Variants in ZNF804B observed in about 807,000 individuals in gnomAD.
The protein encoded by ZNF804B is zinc finger 804B.
In ZNF804B, 80 loss-of-function variants were observed where a neutral mutation model predicts 101.4. That is an observed-to-expected ratio of 0.79 (90% confidence interval 0.66 to 0.95). The LOEUF (loss-of-function observed/expected upper bound fraction) is 0.95. Ranked by LOEUF, ZNF804B falls within the 40% of genes least tolerant of loss-of-function variation. The probability of loss-of-function intolerance (pLI) is 0.00; values close to 1 mark genes in which losing one functional copy is unlikely to be tolerated. For missense variants in ZNF804B, 1,673 were observed against 1,561.9 expected (o/e 1.07, Z -1.20); for synonymous variants, 622 against 558.8 (o/e 1.11, Z -1.59).
intron 1 of ZNF804B, among the ~76,000 whole-genome samples, chr7:89,102,102 T>C (rs1790063978): frequency 6.6e-6 from 1 of 152,046 alleles, no homozygotes; most frequent in Non-Finnish European, 1.5e-5. Flanking sequence ...GTTGATTCCA[T>C]GACTTTGCTA....
Position 89,036,410 on chromosome 7 carries a change from A to G in ZNF804B, c.109-181745A>G, listed in dbSNP as rs540035102. 6.6e-5 allele frequency among the ~76,000 whole-genome samples: 10 copies of G among 152,054 alleles called. No individual in the cohort carries two copies. In the East Asian group the frequency reaches 1.9e-3, roughly 29 times the overall value. ...AGTTAATAATGTTATTAATATTAGT[A>G]TTATGGTAAATAAAATTATGGTAAT... On this transcript the variant is annotated intron_variant, in intron 1 of 3. Coordinates refer to ENST00000333190, the MANE Select transcript of ZNF804B (RefSeq NM_181646.5).
intron 1 of ZNF804B, among the ~76,000 whole-genome samples, chr7:89,212,706 T>G (rs534746444): frequency 6.6e-6 from 1 of 152,284 alleles, no homozygotes; most frequent in African/African-American, 2.4e-5. Flanking sequence ...TCTCTTAGGT[T>G]GTCTTAGGTG....
chr7:89,168,567 AG>A (rs1190772879), intron 1 of ZNF804B, among the ~76,000 whole-genome samples: 1 of 152,110 alleles, frequency 6.6e-6, no homozygotes, highest in Non-Finnish European at 1.5e-5. Context: ...ACTTGTGGTC[AG>A]TTGGTTAGTA....
At chr7:89,156,552 AT>A (rs1790979252) in intron 1 of ZNF804B, among the ~76,000 whole-genome samples, 1 of 152,178 alleles carries the variant, frequency 6.6e-6, no homozygotes, top group African/African-American at 2.4e-5. Flanking sequence ...AACTCTGAAA[AT>A]TGCTGGGAGT....
At chr7:89,085,209 T>G (rs1789779652) in intron 1 of ZNF804B, among the ~76,000 whole-genome samples, 1 of 151,980 alleles carries the variant, frequency 6.6e-6, no homozygotes, top group Admixed American at 6.6e-5. Flanking sequence ...TTGACATGTT[T>G]TCTATGTTTG....
At chr7:88,832,452 C>G (rs1033034044) in intron 1 of ZNF804B, among the ~76,000 whole-genome samples, 5 of 151,890 alleles carry the variant, frequency 3.3e-5, no homozygotes, top group African/African-American at 1.2e-4. Context: ...ATGGCTTGTT[C>G]TTAAGTTTTG....
chr7:89,039,867 C>T (rs943892289), intron 1 of ZNF804B, among the ~76,000 whole-genome samples: 4 of 152,012 alleles, frequency 2.6e-5, no homozygotes, highest in African/African-American at 9.7e-5. Context: ...GAGTTTCTTT[C>T]ATATGTGATA....
At chr7:88,841,383 A>T (rs188155577) in intron 1 of ZNF804B, among the ~76,000 whole-genome samples, 1 of 152,174 alleles carries the variant, frequency 6.6e-6, no homozygotes, top group African/African-American at 2.4e-5. Flanking sequence ...TCAATCTATT[A>T]AGTAAGCCCA....
chr7:89,135,197 A>G (rs1790612951), intron 1 of ZNF804B, among the ~76,000 whole-genome samples: 1 of 152,130 alleles, frequency 6.6e-6, no homozygotes, highest in Admixed American at 6.6e-5. Flanking sequence ...TTAATCACCA[A>G]GATACTTTTC....
At chr7:89,331,421 A>G (rs1466131242) in intron 3 of ZNF804B, among the ~76,000 whole-genome samples, 2 of 151,750 alleles carry the variant, frequency 1.3e-5, no homozygotes, top group African/African-American at 4.8e-5. Context: ...TATTCATTTT[A>G]TTAAATATGC....
At chr7:89,283,385 G>T (rs1790129193) in intron 2 of ZNF804B, among the ~76,000 whole-genome samples, 1 of 152,086 alleles carries the variant, frequency 6.6e-6, no homozygotes, top group Non-Finnish European at 1.5e-5. Flanking sequence ...ACGTATGCTT[G>T]CAGTAAAAAA....
At chr7:88,866,905 C>T (rs183682568) in intron 1 of ZNF804B, among the ~76,000 whole-genome samples, 75 of 152,290 alleles carry the variant, frequency 4.9e-4, no homozygotes, top group African/African-American at 1.7e-3. Flanking sequence ...GAATTGATTA[C>T]AGTCAAGCCT....
intron 1 of ZNF804B, among the ~76,000 whole-genome samples, chr7:88,971,635 A>G (rs1459742800): frequency 6.6e-6 from 1 of 151,662 alleles, no homozygotes; most frequent in Non-Finnish European, 1.5e-5. Context: ...AGCTAATGGG[A>G]CACATAATTG....
At chr7:88,950,478 A>G (rs537544958) in intron 1 of ZNF804B, among the ~76,000 whole-genome samples, 1 of 64,836 alleles carries the variant, frequency 1.5e-5, no homozygotes, top group East Asian at 6.6e-4. Flanking sequence ...TTTTGAATTC[A>G]TGAAAACAGA....
chr7:89,192,539 T>C (rs760948926), intron 1 of ZNF804B, among the ~76,000 whole-genome samples: 23 of 152,174 alleles, frequency 1.5e-4, no homozygotes, highest in Non-Finnish European at 2.6e-4. Context: ...AAATGCAAAG[T>C]AACCTATAGC....
At chr7:89,325,627 G>A (rs918613604) in intron 2 of ZNF804B, among the ~76,000 whole-genome samples, 1 of 151,744 alleles carries the variant, frequency 6.6e-6, no homozygotes, top group African/African-American at 2.4e-5. Context: ...AGAAACAGAG[G>A]TACCCCAAAT....
At chr7:88,821,789 C>A (rs765195395) in intron 1 of ZNF804B, among the ~76,000 whole-genome samples, 3 of 152,106 alleles carry the variant, frequency 2.0e-5, no homozygotes, top group African/African-American at 4.8e-5. Context: ...ATTCAGCTCA[C>A]GTAACATAGT....
At chr7:89,109,095 A>AT (rs140214628) in intron 1 of ZNF804B, among the ~76,000 whole-genome samples, 14,209 of 152,130 alleles carry the variant, frequency 0.093, 729 homozygotes, top group Middle Eastern at 0.14. Flanking sequence ...AAGGAGAAAA[A>AT]TTTTTTAAAT....
At chr7:88,822,481 C>T (rs1477963193) in intron 1 of ZNF804B, among the ~76,000 whole-genome samples, 2 of 152,170 alleles carry the variant, frequency 1.3e-5, no homozygotes, top group African/African-American at 4.8e-5. Flanking sequence ...TGTTTAATTA[C>T]TTCTTTCAGC....
Sources: allele counts gnomAD v4.1 joint callset (sites outside exome capture counted in the v4.1 genomes callset), GRCh38; gene constraint gnomAD v4.1.1; transcripts MANE v1.5; gene names NCBI Gene and HGNC (gene_info 2026-07-23, HGNC 2026-07-21).